POGLUT2: variants seen among roughly 807,000 people sequenced by gnomAD.
POGLUT2 encodes protein O-glucosyltransferase 2, also known as ER protein 58.
Under a neutral mutation model 57.6 loss-of-function variants are expected in POGLUT2, and 47 were observed. That is an observed-to-expected ratio of 0.82 (90% CI 0.65 to 1.04). The LOEUF is 1.04. Among genes scored for constraint, POGLUT2 ranks in the 50% least tolerant of loss-of-function variants. The probability of loss-of-function intolerance (pLI) is 0.00; values close to 1 mark genes in which losing one functional copy is unlikely to be tolerated. For missense variants in POGLUT2, 565 were observed against 614.8 expected, an observed-to-expected ratio of 0.92 and a Z score of 0.86; for synonymous variants, 200 against 218.8, an observed-to-expected ratio of 0.91 and a Z score of 0.76.
chr13:102,789,127 A>G lies in POGLUT2; in HGVS notation c.1178T>C (p.Ile393Thr), dbSNP rs770298969. 12 of 1,614,014 alleles carry G rather than the reference A, an allele frequency of 7.4e-6. No homozygotes were observed. In the Admixed American group the frequency reaches 1.5e-4, roughly 20 times the overall value. ...CTCATTGTAAAAATGTTCATAGTAG[A>G]TGGAATCCTGCTTCAGCACAACACT... Reference protein sequence around the residue: ...GDSVVLKQDSIYYEHFYNELQ... With the variant: ...GDSVVLKQDSTYYEHFYNELQ... Residue 393 changes from isoleucine (I) to threonine (T), a missense_variant, in exon 7 of 10, where the codon ATC (isoleucine) becomes ACC (threonine). Transcript: ENST00000376004.
At chr13:102,790,877 G>C in intron 6 of POGLUT2, 24 bp downstream of exon 6, 2 of 1,435,222 alleles carry the variant, frequency 1.4e-6, no homozygotes, top group Non-Finnish European at 2.0e-6. Flanking sequence ...AAACAAAAAA[G>C]ATTAGCTACT....
At position 102,786,311 on chromosome 13, in the gene POGLUT2, G is replaced by A. The variant is rs1279407566; in HGVS notation, c.1412C>T (p.Pro471Leu). The A allele has an allele frequency of 1.9e-6, 3 of 1,613,392 alleles. No individual in the cohort carries two copies. In the Admixed American group the frequency reaches 5.0e-5, roughly 27 times the overall value. The stretch of plus-strand genomic sequence containing the variant: ...CCTTTTCATGCCCTCTCGGATTTGG[G>A]GCTCACTCACTTGTAAATTGGCATA... ...QEYANLQVSE[P>L]QIREGMKRVE... The change falls in exon 9 of 10, where the codon CCC becomes CTC. Residue 471 changes from proline (P) to leucine (L), a missense_variant. Pro to Leu is a moderately conservative substitution (Grantham distance 98, BLOSUM62 -3). Transcript: ENST00000376004.
At chr13:102,790,235 C>T (rs1878114909) in intron 6 of POGLUT2, among the ~76,000 whole-genome samples, 1 of 152,238 alleles carries the variant, frequency 6.6e-6, no homozygotes, top group South Asian at 2.1e-4. Context: ...ATTTGGTCAT[C>T]TACAGGGCAG....
Position 102,798,549 on chromosome 13 carries a change from G to C in POGLUT2, c.122C>G (p.Ala41Gly). ...KSEIWGPGLK[A>G]DVVLPARYFY... ...ATAGCGGGCGGGAAGGACGACGTCTGCTTTTAGCCCGGGTCCCCATATTTC... is the reference window on the plus strand; with the variant it reads ...ATAGCGGGCGGGAAGGACGACGTCTCCTTTTAGCCCGGGTCCCCATATTTC... Residue 41 changes from alanine to glycine, a missense_variant, in exon 1 of 10, where the codon GCA (alanine) becomes GGA (glycine). Coordinates refer to ENST00000376004, the MANE Select transcript of POGLUT2 (RefSeq NM_024089.3). 1 of 1,612,978 alleles carries C rather than the reference G, an allele frequency of 6.2e-7. No individual in the cohort carries two copies. Among genetic ancestry groups the C allele is most frequent in the Non-Finnish European group, 8.5e-7 (1 of 1,179,474 alleles).
rs1390541666 is a variant in POGLUT2, at chr13:102,796,303, A to AT, written c.388+500_388+501insA. Among the ~76,000 whole-genome samples the AT allele has an allele frequency of 2.5e-3, 363 of 143,116 alleles. 2 individuals are homozygous for AT. Among genetic ancestry groups the AT allele is most frequent in the African/African-American group, 8.8e-3 (329 of 37,346 alleles). 93.9% of individuals were successfully genotyped at this position (143,116 alleles called of 152,430 possible). A position where few individuals can be genotyped will look rare whatever the true frequency, so the allele number is the denominator to read the frequency against. On this transcript the variant is annotated intron_variant, in intron 2 of 9. Transcript: ENST00000376004. ...AGCGAGACTCTGCCTCAAAAAAAAA[A>AT]AAAAAAAAATAAATAAATAAATAAA...
intron 7 of POGLUT2, 148 bp downstream of exon 7, chr13:102,788,864 G>A (rs552607027): frequency 1.1e-5 from 8 of 715,284 alleles, no homozygotes; most frequent in African/African-American, 5.3e-5. Context: ...GGGAACTGCC[G>A]TGCCATCTAT....
At chr13:102,788,469 T>TTTGTTG (rs753434224) in intron 7 of POGLUT2, among the ~76,000 whole-genome samples, 49 of 152,014 alleles carry the variant, frequency 3.2e-4, no homozygotes, top group Non-Finnish European at 6.5e-4. Flanking sequence ...AGTTTAGCTT[T>TTTGTTG]TTGTTGTTGT....
chr13:102,789,224 G>T lies in POGLUT2; in HGVS notation c.1084-3C>A. ...TCGATATTTATTTGATACTTATGCT[G>T]CAAAACAATGGTAAAGTCTAAGAAC... On this transcript the variant is annotated splice_region_variant and splice_polypyrimidine_tract_variant and intron_variant, in intron 6 of 9. Coordinates refer to ENST00000376004, the MANE Select transcript of POGLUT2 (RefSeq NM_024089.3). The T allele has an allele frequency of 6.2e-7, 1 of 1,610,966 alleles. No individual in the cohort carries two copies. The highest frequency in any genetic ancestry group is 8.5e-7 in the Non-Finnish European group (1 of 1,177,156).
At chr13:102,795,317 C>G (rs1461746148) in intron 2 of POGLUT2, among the ~76,000 whole-genome samples, 1 of 149,390 alleles carries the variant, frequency 6.7e-6, no homozygotes, top group African/African-American at 2.5e-5. Flanking sequence ...AATCCTAGCA[C>G]TTTGGGAGAC....
At chr13:102,784,609 G>A in intron 9 of POGLUT2, 97 bp from the exon 10 acceptor site, 1 of 763,366 alleles carries the variant, frequency 1.3e-6, no homozygotes, top group South Asian at 1.6e-5. Context: ...AAGATGAGAG[G>A]GAGCCAAGCT....
At position 102,798,754 on chromosome 13, in the gene POGLUT2, A is replaced by T; in HGVS notation, c.-84T>A. The T allele has an allele frequency of 7.4e-7, 1 of 1,349,546 alleles. No individual in the cohort carries two copies. The highest frequency in any genetic ancestry group is 9.8e-7 in the Non-Finnish European group (1 of 1,020,290). The allele number at this position is 1,349,546 out of a possible 1,614,324, so 83.6% of individuals were successfully genotyped here. A position where few individuals can be genotyped will look rare whatever the true frequency, so the allele number is the denominator to read the frequency against. On this transcript the variant is annotated 5_prime_UTR_variant, in exon 1 of 10. Transcript: ENST00000376004. ...AGAAGCAGCCGAGCCTTCGGCAGGG[A>T]CCCGCCGGCCGATCGCAGCAGCCAA...
chr13:102,786,221 G>A lies in POGLUT2; in HGVS notation c.1491+11C>T. ...TACTCTGACACCGGCCATAAGCTCAGTTCTGGTTACCTTTTTCCTATGGCA... is the reference window on the plus strand; with the variant it reads ...TACTCTGACACCGGCCATAAGCTCAATTCTGGTTACCTTTTTCCTATGGCA... On this transcript the variant is annotated intron_variant, in intron 9 of 9. Coordinates refer to ENST00000376004, the MANE Select transcript of POGLUT2 (RefSeq NM_024089.3). 6.4e-7 allele frequency: 1 copy of A among 1,570,158 alleles called. No individual in the cohort carries two copies. The highest frequency in any genetic ancestry group is 1.1e-5 in the South Asian group (1 of 90,108).
At position 102,793,660 on chromosome 13, in the gene POGLUT2, T is replaced by C. The variant is rs1288960389; in HGVS notation, c.535A>G (p.Ile179Val). Residue 179 changes from isoleucine to valine, a missense_variant, in exon 3 of 10, where the codon ATC (isoleucine) becomes GTC (valine). Ile to Val is a conservative substitution (Grantham distance 29). Coordinates refer to ENST00000376004, the MANE Select transcript of POGLUT2 (RefSeq NM_024089.3). ...AVDPEKIAVE[I>V]PKRFGQRQSL... Reference sequence around the variant, plus strand: ...TGCCTCTGTCCAAATCTTTTTGGGATTTCTACTGCAATCTTTTCTGGATCC... The same window carrying C: ...TGCCTCTGTCCAAATCTTTTTGGGACTTCTACTGCAATCTTTTCTGGATCC... 6.2e-7 allele frequency: 1 copy of C among 1,614,210 alleles called. No individual in the cohort carries two copies. Among genetic ancestry groups the C allele is most frequent in the East Asian group, 2.2e-5 (1 of 44,884 alleles).
In POGLUT2 at chr13:102,798,613, C is replaced by T. The variant is rs868085447; in HGVS notation, c.58G>A (p.Glu20Lys). 6.2e-7 allele frequency: 1 copy of T among 1,613,308 alleles called. No individual in the cohort carries two copies. Among genetic ancestry groups the T allele is most frequent in the Non-Finnish European group, 8.5e-7 (1 of 1,179,586 alleles). ...FFLATVPALA[E>K]TGGERQLSPE... ...CTCAGCTGCCTTTCTCCGCCGGTCT[C>T]GGCGAGTGCTGGAACTGTCGCCAGA... Residue 20 changes from glutamate to lysine, a missense_variant, in exon 1 of 10, where the codon GAG becomes AAG. Glu to Lys is a moderately conservative substitution (Grantham distance 56). Transcript: ENST00000376004.
intron 8 of POGLUT2, 140 bp from the exon 9 acceptor site, chr13:102,786,479 C>A: frequency 1.6e-6 from 1 of 611,306 alleles, no homozygotes. Context: ...TCATATATAC[C>A]AGTTCTGAAC....
chr13:102,795,360 C>T (rs1030451764), intron 2 of POGLUT2, among the ~76,000 whole-genome samples: 4 of 151,166 alleles, frequency 2.6e-5, no homozygotes, highest in Non-Finnish European at 4.4e-5. Context: ...CTCCAGGGTT[C>T]GGGACCAGTC....
intron 2 of POGLUT2, among the ~76,000 whole-genome samples, chr13:102,796,432 A>C (rs1878392513): frequency 6.6e-6 from 1 of 151,458 alleles, no homozygotes; most frequent in Non-Finnish European, 1.5e-5. Context: ...CCCTTCCTGA[A>C]GTGATCTACC....
At position 102,798,912 on chromosome 13, in the gene POGLUT2, C is replaced by A; in HGVS notation, c.-242G>T. ...GCGTTCTGCTGTCCCGGCCGAGAACCGCGCTGCTCCTCTCTCTCAGGACAA... is the reference window on the plus strand; with the variant it reads ...GCGTTCTGCTGTCCCGGCCGAGAACAGCGCTGCTCCTCTCTCTCAGGACAA... On this transcript the variant is annotated 5_prime_UTR_variant, in exon 1 of 10. Coordinates refer to ENST00000376004, the MANE Select transcript of POGLUT2 (RefSeq NM_024089.3). 2.1e-6 allele frequency: 1 copy of A among 467,886 alleles called. No homozygotes were observed. Among genetic ancestry groups the A allele is most frequent in the Non-Finnish European group, 3.8e-6 (1 of 265,824 alleles). 29.0% of individuals were successfully genotyped at this position (467,886 alleles called of 1,614,324 possible). A position where few individuals can be genotyped will look rare whatever the true frequency, so the allele number is the denominator to read the frequency against.
At chr13:102,788,002 T>C (rs1040920967) in intron 7 of POGLUT2, 79 bp from the exon 8 acceptor site, 8 of 757,822 alleles carry the variant, frequency 1.1e-5, no homozygotes, top group Middle Eastern at 2.7e-4. Flanking sequence ...CTCTTCAGAG[T>C]ATGTATACAT....
Sources: allele counts gnomAD v4.1 joint callset (sites outside exome capture counted in the v4.1 genomes callset), GRCh38; gene constraint gnomAD v4.1.1; transcripts MANE v1.5; gene names NCBI Gene and HGNC (gene_info 2026-07-23, HGNC 2026-07-21).